The following TOX variants were observed in gnomAD, a reference collection of about 807,000 sequenced individuals.
TOX encodes the protein thymocyte selection-associated high mobility group box protein TOX.
A neutral mutation model predicts 53.7 loss-of-function variants in TOX; 11 were observed. The ratio of observed to expected loss-of-function variants is 0.20; its 90% CI spans 0.13 to 0.34. TOX has a LOEUF of 0.34. TOX is among the 10% of genes least tolerant of loss of function. The probability of loss-of-function intolerance (pLI) is 1.00; values close to 1 mark genes in which losing one functional copy is unlikely to be tolerated. For synonymous variants in TOX, 225 were observed against 245.3 expected, an observed-to-expected ratio of 0.92 and a Z score of 0.77; for missense variants, 570 against 664.6, an observed-to-expected ratio of 0.86 and a Z score of 1.56.
At chr8:58,945,135 C>T (rs1425774009) in intron 2 of TOX, among the ~76,000 whole-genome samples, 2 of 152,158 alleles carry the variant, frequency 1.3e-5, no homozygotes, top group African/African-American at 4.8e-5. Context: ...TGCTGGTGGG[C>T]CTGCAGCTCT....
At chr8:59,044,230 CA>C (rs78904701) in intron 1 of TOX, among the ~76,000 whole-genome samples, 21,208 of 114,004 alleles carry the variant, frequency 0.19, 1,907 homozygotes, top group Non-Finnish European at 0.25. Flanking sequence ...TGGCACTCAT[CA>C]AAAAAAAAAA....
chr8:58,873,070 T>G (rs1242133484), intron 3 of TOX, among the ~76,000 whole-genome samples: 1 of 152,142 alleles, frequency 6.6e-6, no homozygotes, highest in African/African-American at 2.4e-5. Flanking sequence ...ATAGTCAAGC[T>G]GTATGCTAAC....
chr8:59,028,561 GCATACATACATA>G (rs566256532), intron 1 of TOX, among the ~76,000 whole-genome samples: 1 of 151,612 alleles, frequency 6.6e-6, no homozygotes, highest in African/African-American at 2.4e-5. Context: ...ATAGATACAT[GCATACATACATA>G]CATACATACA....
chr8:58,919,209 A>C (rs1426688213), intron 3 of TOX, among the ~76,000 whole-genome samples: 2 of 147,938 alleles, frequency 1.4e-5, no homozygotes, highest in African/African-American at 2.6e-5. Context: ...AAACTACTTT[A>C]AAGTTCATAT....
At chr8:59,085,986 T>TC (rs1804501483) in intron 1 of TOX, among the ~76,000 whole-genome samples, 1 of 137,412 alleles carries the variant, frequency 7.3e-6, no homozygotes, top group Non-Finnish European at 1.5e-5. Flanking sequence ...TTTCTTTTTT[T>TC]TTTTTTTTTT....
At chr8:58,907,244 G>A (rs1811831184) in intron 3 of TOX, among the ~76,000 whole-genome samples, 1 of 152,170 alleles carries the variant, frequency 6.6e-6, no homozygotes, top group Non-Finnish European at 1.5e-5. Flanking sequence ...TACATCAAAT[G>A]TGTCTTGTCC....
intron 1 of TOX, among the ~76,000 whole-genome samples, chr8:59,114,471 T>G (rs983296694): frequency 6.6e-6 from 1 of 152,228 alleles, no homozygotes; most frequent in Non-Finnish European, 1.5e-5. Context: ...TGGTTTATGC[T>G]CTTTCTTACA....
chr8:59,059,828 G>T (rs540144124), intron 1 of TOX, among the ~76,000 whole-genome samples: 10 of 151,950 alleles, frequency 6.6e-5, no homozygotes, highest in Non-Finnish European at 7.4e-5. Context: ...CCAGAAAGGA[G>T]TAGTGAACAT....
chr8:58,825,542 T>C (rs1810351243), intron 6 of TOX, among the ~76,000 whole-genome samples: 3 of 152,226 alleles, frequency 2.0e-5, no homozygotes, highest in Non-Finnish European at 4.4e-5. Context: ...GTGTGCTTTG[T>C]ATTGGGATTG....
At chr8:58,975,008 A>G (rs528352366) in intron 1 of TOX, among the ~76,000 whole-genome samples, 7 of 152,146 alleles carry the variant, frequency 4.6e-5, no homozygotes, top group East Asian at 1.9e-4. Flanking sequence ...TGTAATTCAC[A>G]GTATGCATTA....
Position 59,118,694 on chromosome 8 carries a change from G to A in TOX, c.102+192C>T, listed in dbSNP as rs183342561. Among the ~76,000 whole-genome samples, 1 of 152,138 alleles carries A rather than the reference G, an allele frequency of 6.6e-6. No homozygotes were observed. Among genetic ancestry groups the A allele is most frequent in the African/African-American group, 2.4e-5 (1 of 41,442 alleles). On this transcript the variant is annotated intron_variant, in intron 1 of 8. Coordinates refer to ENST00000361421, the MANE Select transcript of TOX (RefSeq NM_014729.3). This position sits in a 1 kb window ranked among gnomAD's most constrained non-coding sequence, Gnocchi z 4.1. Reference sequence around the variant, plus strand: ...ATCGTGTCACTTTCCGCACAATCGCGGTGTTTGGCAAGCCCCCGGAGCTAC... The same window carrying A: ...ATCGTGTCACTTTCCGCACAATCGCAGTGTTTGGCAAGCCCCCGGAGCTAC...
intron 1 of TOX, among the ~76,000 whole-genome samples, chr8:59,048,143 GC>G (rs1803723097): frequency 6.6e-6 from 1 of 152,104 alleles, no homozygotes; most frequent in East Asian, 1.9e-4. Flanking sequence ...GATCCCAAAG[GC>G]CCCATGCAGA....
At chr8:58,902,721 A>G (rs1466453110) in intron 3 of TOX, among the ~76,000 whole-genome samples, 1 of 152,194 alleles carries the variant, frequency 6.6e-6, no homozygotes, top group Non-Finnish European at 1.5e-5. Context: ...TTCTTTCAAA[A>G]GCTGATTGAA....
intron 1 of TOX, among the ~76,000 whole-genome samples, chr8:58,971,771 C>G (rs915323803): frequency 1.3e-5 from 2 of 152,178 alleles, no homozygotes; most frequent in Non-Finnish European, 2.9e-5. Context: ...TCACGGCAAC[C>G]TCCGCCTTCC....
intron 1 of TOX, among the ~76,000 whole-genome samples, chr8:59,062,441 T>G (rs185282327): frequency 6.6e-6 from 1 of 152,236 alleles, no homozygotes; most frequent in African/African-American, 2.4e-5. Context: ...ATATTAATTT[T>G]ATAAATATGG....
At chr8:59,064,403 A>G (rs1283109134) in intron 1 of TOX, among the ~76,000 whole-genome samples, 1 of 152,244 alleles carries the variant, frequency 6.6e-6, no homozygotes, top group Non-Finnish European at 1.5e-5. Flanking sequence ...ATGTCTCACT[A>G]CTTTTCAACA....
At chr8:59,116,485 A>G (rs1805101065) in intron 1 of TOX, among the ~76,000 whole-genome samples, 1 of 152,246 alleles carries the variant, frequency 6.6e-6, no homozygotes, top group Non-Finnish European at 1.5e-5. Context: ...ATGCACAACT[A>G]CAATTGTGGA....
chr8:58,877,638 G>A (rs1811308203), intron 3 of TOX, among the ~76,000 whole-genome samples: 1 of 152,192 alleles, frequency 6.6e-6, no homozygotes, highest in South Asian at 2.1e-4. Flanking sequence ...TCAGGGATCT[G>A]AAAGAACATC....
intron 1 of TOX, among the ~76,000 whole-genome samples, chr8:59,056,579 G>A (rs1352659201): frequency 2.0e-5 from 3 of 152,040 alleles, no homozygotes; most frequent in Admixed American, 6.6e-5. Flanking sequence ...AGTGTCCCTA[G>A]GACTTAAAGG....
Sources: allele counts gnomAD v4.1 joint callset (sites outside exome capture counted in the v4.1 genomes callset), GRCh38; gene constraint gnomAD v4.1.1; non-coding constraint Gnocchi (gnomAD v3.1); transcripts MANE v1.5; gene names NCBI Gene and HGNC (gene_info 2026-07-23, HGNC 2026-07-21).